SCARB1: variants seen among roughly 807,000 people sequenced by gnomAD.
SCARB1 encodes the protein scavenger receptor class B member 1.
A neutral mutation model predicts 57.2 loss-of-function variants in SCARB1; 30 were observed. The ratio of observed to expected loss-of-function variants is 0.52; its 90% CI spans 0.39 to 0.71. The LOEUF is 0.71. SCARB1 is among the 30% of genes least tolerant of loss of function. The pLI is 0.00. For synonymous variants in SCARB1, 249 were observed against 268.3 expected, an observed-to-expected ratio of 0.93 and a Z score of 0.70; for missense variants, 543 against 671.2, an observed-to-expected ratio of 0.81 and a Z score of 2.11.
At chr12:124,842,596 C>T (rs778469532) in intron 1 of SCARB1, among the ~76,000 whole-genome samples, 13 of 152,240 alleles carry the variant, frequency 8.5e-5, no homozygotes, top group African/African-American at 2.4e-5. Flanking sequence ...TTACAGCTGT[C>T]AGGCCCAGAG....
chr12:124,850,727 C>A (rs1231740775), intron 1 of SCARB1, among the ~76,000 whole-genome samples: 1 of 152,206 alleles, frequency 6.6e-6, no homozygotes, highest in Non-Finnish European at 1.5e-5. Flanking sequence ...AGCTGGTAAG[C>A]TACTACCTCC....
Position 124,786,415 on chromosome 12 carries a change from A to G in SCARB1, c.1343T>C (p.Leu448Pro). 1 of 1,614,184 alleles carries G rather than the reference A, an allele frequency of 6.2e-7. No individual in the cohort carries two copies. The highest frequency in any genetic ancestry group is 8.5e-7 in the Non-Finnish European group (1 of 1,180,026). ...PKVMHYAQYV[L>P]LALGCVLLLV... ...CAGCAGGACGCAGCCCAGCGCCAGG[A>G]GGACGTACTGGGCATAGTGCATCAC... Residue 448 changes from leucine to proline, a missense_variant, in exon 11 of 13, where the codon CTC becomes CCC. Physicochemically the swap from Leu to Pro is moderately conservative, Grantham distance 98. Transcript: ENST00000261693.
chr12:124,781,153 G>GAA (rs1873393807), intron 12 of SCARB1, among the ~76,000 whole-genome samples: 3 of 152,232 alleles, frequency 2.0e-5, no homozygotes, highest in African/African-American at 7.2e-5. Flanking sequence ...CCCAGAGCTT[G>GAA]ACTGGGACAC....
At position 124,800,124 on chromosome 12, in the gene SCARB1, CG is replaced by C; in HGVS notation, c.1127del (p.Pro376ArgfsTer7). 1 of 1,609,484 alleles carries C rather than the reference CG, an allele frequency of 6.2e-7. No individual in the cohort carries two copies. Among genetic ancestry groups the C allele is most frequent in the African/African-American group, 1.3e-5 (1 of 74,898 alleles). ...CCCACAGAGGATGGCAGGGGCTCAC[CG>C]GGTGGATGTCCAGGAACAAGGAGTG... ...EAHSLFLDIH[P>X]VTGIPMNCSV... On this transcript the variant is annotated frameshift_variant and splice_region_variant, in exon 8 of 13. Coordinates refer to ENST00000261693, the MANE Select transcript of SCARB1 (RefSeq NM_005505.5). LOFTEE classifies it high-confidence loss of function. This position sits in a 1 kb window ranked among gnomAD's most constrained non-coding sequence, Gnocchi z 4.8.
Sources: allele counts gnomAD v4.1 joint callset (sites outside exome capture counted in the v4.1 genomes callset), GRCh38; gene constraint gnomAD v4.1.1; non-coding constraint Gnocchi (gnomAD v3.1); transcripts MANE v1.5; gene names NCBI Gene and HGNC (gene_info 2026-07-23, HGNC 2026-07-21).